Variants in FIGNL1 observed in about 807,000 individuals in gnomAD.
FIGNL1 encodes the protein fidgetin like 1, also known as fidgetin-like protein 1.
FIGNL1 carries 11 observed loss-of-function variants against 28.9 expected under a neutral mutation model. That is an observed-to-expected ratio of 0.38 (90% CI 0.24 to 0.63). The LOEUF (loss-of-function observed/expected upper bound fraction) is 0.63, where lower values mean the gene tolerates loss of function less well. FIGNL1 is among the 20% of genes least tolerant of loss of function. The pLI, the probability that FIGNL1 is intolerant of heterozygous loss-of-function variation, is 0.57. For missense variants in FIGNL1, 789 were observed against 810.4 expected (o/e 0.97, Z 0.32); for synonymous variants, 295 against 276.5 (o/e 1.07, Z -0.66).
At position 50,444,783 on chromosome 7, in the gene FIGNL1, G is replaced by A. The variant is rs551079147; in HGVS notation, c.*480C>T. On this transcript the variant is annotated 3_prime_UTR_variant, in exon 4 of 4. Coordinates refer to ENST00000433017, the MANE Select transcript of FIGNL1 (RefSeq NM_001287492.4). ...AAACCATAAAAGAGGTAACAAATTG[G>A]CTGAAGAAAGTAAAAATTGGCACTT... 1 of 152,028 alleles carries A rather than the reference G, an allele frequency of 6.6e-6. No homozygotes were observed. The highest frequency in any genetic ancestry group is 2.4e-5 in the African/African-American group (1 of 41,460). 9.4% of individuals were successfully genotyped at this position (152,028 alleles called of 1,614,324 possible).
In FIGNL1 at chr7:50,448,261, T is replaced by G. The variant is rs1445198451; in HGVS notation, c.-91A>C. 2 of 152,216 alleles carry G rather than the reference T, an allele frequency of 1.3e-5. No individual in the cohort carries two copies. Among genetic ancestry groups the G allele is most frequent in the African/African-American group, 4.8e-5 (2 of 41,448 alleles). 9.4% of individuals were successfully genotyped at this position (152,216 alleles called of 1,614,324 possible). A position where few individuals can be genotyped will look rare whatever the true frequency, so the allele number is the denominator to read the frequency against. On this transcript the variant is annotated 5_prime_UTR_variant, in exon 3 of 4. It removes an upstream start codon present in the reference 5' UTR. Transcript: ENST00000433017. ...ACTCCAGGTACTGTGCACTTCTGCATGTACACAATGCTCCTTGATGCTGCT... is the reference window on the plus strand; with the variant it reads ...ACTCCAGGTACTGTGCACTTCTGCAGGTACACAATGCTCCTTGATGCTGCT...
At position 50,445,603 on chromosome 7, in the gene FIGNL1, C is replaced by T. The variant is rs1820556093; in HGVS notation, c.1685G>A (p.Arg562Lys). Residue 562 changes from arginine (R) to lysine (K), a missense_variant, in exon 4 of 4, where the codon AGG (arginine) becomes AAG (lysine). By Grantham distance (26) the Arg-to-Lys change is conservative. Coordinates refer to ENST00000433017, the MANE Select transcript of FIGNL1 (RefSeq NM_001287492.4). ...AGCTTCTGGGAGGGGAATATAAAGC[C>T]TTTTCACCAATCTTCTCCGGGCAGC... ...DEAARRRLVK[R>K]LYIPLPEASA... The T allele has an allele frequency of 6.2e-7, 1 of 1,614,164 alleles. No homozygotes were observed. The highest frequency in any genetic ancestry group is 1.3e-5 in the African/African-American group (1 of 75,050).
rs1198919419 is a variant in FIGNL1, at chr7:50,447,215, T to C, written c.73A>G (p.Ile25Val). Residue 25 changes from isoleucine (I) to valine (V), a missense_variant, in exon 4 of 4, where the codon ATA becomes GTA. Physicochemically the swap from Ile to Val is conservative, Grantham distance 29. Coordinates refer to ENST00000433017, the MANE Select transcript of FIGNL1 (RefSeq NM_001287492.4). Reference protein sequence around the residue: ...QKNYFAITSGICTGPKADAYR... With the variant: ...QKNYFAITSGVCTGPKADAYR... ...GCATCTGCCTTCGGTCCGGTACATA[T>C]GCCAGATGTAATTGCGAAGTAATTC... 5 of 1,612,688 alleles carry C rather than the reference T, an allele frequency of 3.1e-6. No individual in the cohort carries two copies. Among genetic ancestry groups the C allele is most frequent in the Admixed American group, 1.7e-5 (1 of 60,018 alleles).
chr7:50,445,499 C>T lies in FIGNL1; in HGVS notation c.1789G>A (p.Val597Ile), dbSNP rs888376656. The T allele has an allele frequency of 1.3e-5, 21 of 1,614,092 alleles. No homozygotes were observed. In the African/African-American group the frequency reaches 1.5e-4, roughly 11 times the overall value. Residue 597 changes from valine to isoleucine, a missense_variant, in exon 4 of 4, where the codon GTA becomes ATA. Coordinates refer to ENST00000433017, the MANE Select transcript of FIGNL1 (RefSeq NM_001287492.4). ...CLSEEEIEQI[V>I]QQSDAFSGAD... ...CCTGAAAACGCATCAGACTGCTGTA[C>T]AATCTGTTCAATTTCTTCTTCACTG... is the stretch of plus-strand genomic sequence containing the variant.
rs150444310 is a variant in FIGNL1, at chr7:50,446,903, G to C, written c.385C>G (p.Leu129Val). ...ACTGATGCAAGAGCAGGTTCCAACA[G>C]AGAGTCTTTGAATTTTTTGCCAGCT... ...MQAGKKFKDS[L>V]LEPALASVVI... The change falls in exon 4 of 4, where the codon CTG becomes GTG. Residue 129 changes from leucine to valine, a missense_variant. Leu to Val is a conservative substitution (Grantham distance 32). Coordinates refer to ENST00000433017, the MANE Select transcript of FIGNL1 (RefSeq NM_001287492.4). The C allele has an allele frequency of 4.3e-6, 7 of 1,614,146 alleles. No individual in the cohort carries two copies. In the East Asian group the frequency reaches 1.6e-4, roughly 36 times the overall value.
In FIGNL1 at chr7:50,444,248, C is replaced by T. The variant is rs1004305862; in HGVS notation, c.*1015G>A. On this transcript the variant is annotated 3_prime_UTR_variant, in exon 4 of 4. Coordinates refer to ENST00000433017, the MANE Select transcript of FIGNL1 (RefSeq NM_001287492.4). ...TTTACAATAAACAAAAGATAAACAA[C>T]CTAGCGTCCTGTCCTATATGCGCTC... The T allele has an allele frequency of 1.3e-5, 2 of 152,194 alleles. No individual in the cohort carries two copies. The highest frequency in any genetic ancestry group is 2.9e-5 in the Non-Finnish European group (2 of 68,040). 9.4% of individuals were successfully genotyped at this position (152,194 alleles called of 1,614,324 possible).
chr7:50,445,827 A>G lies in FIGNL1; in HGVS notation c.1461T>C (p.Ala487=), dbSNP rs61735237. The change falls in exon 4 of 4, where the codon GCT becomes GCC. Residue 487 remains alanine, a synonymous_variant. Coordinates refer to ENST00000433017, the MANE Select transcript of FIGNL1 (RefSeq NM_001287492.4). ...CAGCTGGTTGCTGACACCTTGCAAC[A>G]GCAAACAATGCACGGACCATTTTCT... The part of the protein sequence containing the change: ...EGEKMVRALF[A]VARCQQPAVI... 3.3e-5 allele frequency: 53 copies of G among 1,614,236 alleles called. No homozygotes were observed. The African/African-American group carries it at 6.8e-4, about 21-fold the overall frequency.
rs761908505 is a variant in FIGNL1 at position 50,446,601 on chromosome 7, G to A, written c.687C>T (p.His229=). The change falls in exon 4 of 4, where the codon CAC becomes CAT. Residue 229 remains histidine (H), a synonymous_variant. Coordinates refer to ENST00000433017, the MANE Select transcript of FIGNL1 (RefSeq NM_001287492.4). ...GTCCTATGTTTTCTTTTGCAGAGCT[G>A]TGATTTTCCTTTTTGACATTTCCAA... ...PLFGNVKKEN[H]SSAKENIGLN... 6.2e-6 allele frequency: 10 copies of A among 1,614,146 alleles called. No individual in the cohort carries two copies. The highest frequency in any genetic ancestry group is 7.6e-6 in the Non-Finnish European group (9 of 1,180,038).
Position 50,445,767 on chromosome 7 carries a change from A to G in FIGNL1, c.1521T>C (p.Ser507=). 6.2e-7 allele frequency: 1 copy of G among 1,612,026 alleles called. No homozygotes were observed. Among genetic ancestry groups the G allele is most frequent in the Non-Finnish European group, 8.5e-7 (1 of 1,178,024 alleles). ...ATTCATGCTCACCATCTCCCCGTTGAGATAACAAGGAATCAATTTCGTCAA... is the reference window on the plus strand; with the variant it reads ...ATTCATGCTCACCATCTCCCCGTTGGGATAACAAGGAATCAATTTCGTCAA... ...IFIDEIDSLL[S]QRGDGEHESS... The change falls in exon 4 of 4, where the codon TCT becomes TCC. Residue 507 remains serine (S), a synonymous_variant. Coordinates refer to ENST00000433017, the MANE Select transcript of FIGNL1 (RefSeq NM_001287492.4).
Position 50,446,515 on chromosome 7 carries a change from T to A in FIGNL1, c.773A>T (p.Lys258Met), listed in dbSNP as rs893109840. The A allele has an allele frequency of 1.9e-6, 3 of 1,614,090 alleles. No individual in the cohort carries two copies. The African/African-American group carries it at 4.0e-5, about 22-fold the overall frequency. The change falls in exon 4 of 4, where the codon AAG (lysine) becomes ATG (methionine). Residue 258 changes from lysine to methionine, a missense_variant. Coordinates refer to ENST00000433017, the MANE Select transcript of FIGNL1 (RefSeq NM_001287492.4). ...AATGGTGCCAGAACCATAAAAAGAC[T>A]TCCTCTGTGGATTTTCACAGGCAGC... The part of the protein sequence containing the change: ...FPAACENPQR[K>M]SFYGSGTIDA...
At position 50,446,166 on chromosome 7, in the gene FIGNL1, C is replaced by A; in HGVS notation, c.1122G>T (p.Glu374Asp). The A allele has an allele frequency of 4.3e-6, 7 of 1,614,224 alleles. 1 individual carries two copies. In the Middle Eastern group the frequency reaches 1.2e-3, roughly 266 times the overall value. Reference protein sequence around the residue: ...GPTEPAHPVDERLKNLEPKMI... With the variant: ...GPTEPAHPVDDRLKNLEPKMI... ...TCTTTGGCTCCAAGTTCTTCAGACG[C>A]TCATCAACTGGATGTGCTGGTTCTG... The change falls in exon 4 of 4, where the codon GAG (glutamate) becomes GAT (aspartate). Residue 374 changes from glutamate to aspartate, a missense_variant. Physicochemically the swap from Glu to Asp is conservative, Grantham distance 45. Transcript: ENST00000433017.
In FIGNL1 at chr7:50,446,091, A is replaced by G; in HGVS notation, c.1197T>C (p.Asn399=). 1.2e-6 allele frequency: 2 copies of G among 1,614,148 alleles called. No homozygotes were observed. Among genetic ancestry groups the G allele is most frequent in the Non-Finnish European group, 1.7e-6 (2 of 1,180,022 alleles). ...ATTCTACTCCTGCAATATCTTCCCA[A>G]TTTACTGGAGGTCCATGATCCATAA... ...NEIMDHGPPV[N]WEDIAGVEFA... Residue 399 remains asparagine (N), a synonymous_variant, in exon 4 of 4, where the codon AAT becomes AAC. Coordinates refer to ENST00000433017, the MANE Select transcript of FIGNL1 (RefSeq NM_001287492.4).
Position 50,445,773 on chromosome 7 carries a change from C to G in FIGNL1, c.1515G>C (p.Leu505Phe). The change falls in exon 4 of 4, where the codon TTG (leucine) becomes TTC (phenylalanine). Residue 505 changes from leucine (L) to phenylalanine (F), a missense_variant. Transcript: ENST00000433017. ...AVIFIDEIDSLLSQRGDGEHE... is the reference protein window; with the variant it reads ...AVIFIDEIDSFLSQRGDGEHE... ...GCTCACCATCTCCCCGTTGAGATAA[C>G]AAGGAATCAATTTCGTCAATAAATA... The G allele has an allele frequency of 6.2e-7, 1 of 1,614,212 alleles. No individual in the cohort carries two copies. Among genetic ancestry groups the G allele is most frequent in the Non-Finnish European group, 8.5e-7 (1 of 1,180,038 alleles).
chr7:50,446,768 G>T lies in FIGNL1; in HGVS notation c.520C>A (p.Gln174Lys). The T allele has an allele frequency of 6.2e-7, 1 of 1,614,136 alleles. No individual in the cohort carries two copies. Among genetic ancestry groups the T allele is most frequent in the Non-Finnish European group, 8.5e-7 (1 of 1,180,036 alleles). Residue 174 changes from glutamine (Q) to lysine (K), a missense_variant, in exon 4 of 4, where the codon CAA becomes AAA. Gln to Lys is a moderately conservative substitution (Grantham distance 53, BLOSUM62 1). Coordinates refer to ENST00000433017, the MANE Select transcript of FIGNL1 (RefSeq NM_001287492.4). The part of the protein sequence containing the change: ...PNSAHDRDRT[Q>K]DFPESNRLKL... ...AAACGATTGCTCTCCGGGAAGTCTT[G>T]GGTCCGGTCTCGATCATGAGCTGAG...
Position 50,448,278 on chromosome 7 carries a change from G to A in FIGNL1, c.-108C>T, listed in dbSNP as rs1042720025. The A allele has an allele frequency of 6.6e-5, 10 of 152,162 alleles. No homozygotes were observed. The highest frequency in any genetic ancestry group is 2.4e-4 in the African/African-American group (10 of 41,424). The allele number at this position is 152,162 out of a possible 1,614,324, so 9.4% of individuals were successfully genotyped here. On this transcript the variant is annotated 5_prime_UTR_variant, in exon 3 of 4. Transcript: ENST00000433017. Reference sequence around the variant, plus strand: ...CTTCTGCATGTACACAATGCTCCTTGATGCTGCTATCCTAGGTCACAGATT... The same window carrying A: ...CTTCTGCATGTACACAATGCTCCTTAATGCTGCTATCCTAGGTCACAGATT...
In FIGNL1 at chr7:50,445,119, A is replaced by G. The variant is rs1429574178; in HGVS notation, c.*144T>C. The G allele has an allele frequency of 7.7e-6, 4 of 519,934 alleles. No individual in the cohort carries two copies. The highest frequency in any genetic ancestry group is 4.0e-5 in the African/African-American group (2 of 50,574). The allele number at this position is 519,934 out of a possible 1,614,324, so 32.2% of individuals were successfully genotyped here. On this transcript the variant is annotated 3_prime_UTR_variant, in exon 4 of 4. Transcript: ENST00000433017. ...AACTTACATTAACATACACTATGTCAATCAGATGTAAAATCTGTGCTATTA... is the reference window on the plus strand; with the variant it reads ...AACTTACATTAACATACACTATGTCGATCAGATGTAAAATCTGTGCTATTA...
At position 50,446,562 on chromosome 7, in the gene FIGNL1, T is replaced by C; in HGVS notation, c.726A>G (p.Leu242=). ...CAGCAGGAAAACAAGACTGGTTAGA[T>C]AAGAACACATTAAGTCCTATGTTTT... The part of the protein sequence containing the change: ...AKENIGLNVF[L]SNQSCFPAAC... Residue 242 remains leucine (L), a synonymous_variant, in exon 4 of 4, where the codon TTA becomes TTG. Coordinates refer to ENST00000433017, the MANE Select transcript of FIGNL1 (RefSeq NM_001287492.4). The C allele has an allele frequency of 6.2e-7, 1 of 1,614,156 alleles. No homozygotes were observed. The highest frequency in any genetic ancestry group is 8.5e-7 in the Non-Finnish European group (1 of 1,180,030).
rs1211254955 is a variant in FIGNL1, at chr7:50,446,814, T to C, written c.474A>G (p.Gln158=). ...CTGAGTTAGGTAATGAGTCACTCTC[T>C]TGAGAACTACCACAAACACTAAATT... The part of the protein sequence containing the change: ...LPKFSVCGSS[Q]ESDSLPNSAH... The change falls in exon 4 of 4, where the codon CAA becomes CAG. Residue 158 remains glutamine (Q), a synonymous_variant. Coordinates refer to ENST00000433017, the MANE Select transcript of FIGNL1 (RefSeq NM_001287492.4). 6.2e-7 allele frequency: 1 copy of C among 1,613,990 alleles called. No homozygotes were observed. Among genetic ancestry groups the C allele is most frequent in the African/African-American group, 1.3e-5 (1 of 74,932 alleles).
rs138265417 is a variant in FIGNL1, at chr7:50,445,397, T to A, written c.1891A>T (p.Ile631Leu). ...RSLQTADIAT[I>L]TPDQVRPIAY... ...ATGGGTCGAACTTGATCCGGTGTTA[T>A]GGTAGCAATGTCAGCAGTTTGTAAA... is the stretch of plus-strand genomic sequence containing the variant. Residue 631 changes from isoleucine to leucine, a missense_variant, in exon 4 of 4, where the codon ATA becomes TTA. Physicochemically the swap from Ile to Leu is conservative, Grantham distance 5. Transcript: ENST00000433017. 2 of 1,614,248 alleles carry A rather than the reference T, an allele frequency of 1.2e-6. No individual in the cohort carries two copies. The highest frequency in any genetic ancestry group is 2.7e-5 in the African/African-American group (2 of 75,076).
Sources: gnomAD v4.1 joint callset for allele counts on GRCh38, gnomAD v4.1.1 for gene constraint, MANE v1.5 for transcripts, NCBI Gene and HGNC (gene_info 2026-07-23, HGNC 2026-07-21) for gene names.